The following AGBL4 variants were observed in gnomAD, a reference collection of about 807,000 sequenced individuals.
The protein encoded by AGBL4 is cytosolic carboxypeptidase 6.
Under a neutral mutation model 66.4 loss-of-function variants are expected in AGBL4, and 58 were observed. The observed-to-expected ratio is 0.87, with a 90% CI of 0.71 to 1.09. AGBL4 has a LOEUF of 1.09. Among genes scored for constraint, AGBL4 ranks in the 50% least tolerant of loss-of-function variants. The pLI, the probability that AGBL4 is intolerant of heterozygous loss-of-function variation, is 0.00. For synonymous variants in AGBL4, 234 were observed against 222.9 expected (o/e 1.05, Z -0.44); for missense variants, 579 against 631.0 (o/e 0.92, Z 0.88).
intron 5 of AGBL4, among the ~76,000 whole-genome samples, chr1:48,921,123 C>A (rs375259441): frequency 6.6e-6 from 1 of 151,908 alleles, no homozygotes; most frequent in South Asian, 2.1e-4. Flanking sequence ...CAATTTACAG[C>A]GAGATGACAG....
chr1:49,966,299 G>A (rs1233873135), intron 1 of AGBL4, among the ~76,000 whole-genome samples: 7 of 152,054 alleles, frequency 4.6e-5, no homozygotes, highest in Non-Finnish European at 1.0e-4. Flanking sequence ...TCTAAGCAGA[G>A]AGTTATATTG....
chr1:48,965,773 T>C (rs1017516224), intron 5 of AGBL4, among the ~76,000 whole-genome samples: 1 of 152,180 alleles, frequency 6.6e-6, no homozygotes, highest in Non-Finnish European at 1.5e-5. Flanking sequence ...TTGCCTGCTA[T>C]ACCCACAAAT....
intron 5 of AGBL4, among the ~76,000 whole-genome samples, chr1:48,953,406 C>T (rs1238276367): frequency 6.6e-6 from 1 of 152,166 alleles, no homozygotes; most frequent in Non-Finnish European, 1.5e-5. Flanking sequence ...CTGCCTAGGC[C>T]TTACAACTTG....
chr1:48,689,353 G>A (rs1646587651), intron 6 of AGBL4, among the ~76,000 whole-genome samples: 1 of 152,056 alleles, frequency 6.6e-6, no homozygotes, highest in Non-Finnish European at 1.5e-5. Context: ...ACAGTGAGGA[G>A]GCTGCATTAT....
At chr1:49,828,375 C>T (rs1166896510) in intron 2 of AGBL4, among the ~76,000 whole-genome samples, 2 of 152,032 alleles carry the variant, frequency 1.3e-5, no homozygotes, top group African/African-American at 4.8e-5. Flanking sequence ...TCACAGAAGG[C>T]CTCTCTGAGG....
chr1:49,395,745 A>G (rs536701914), intron 3 of AGBL4, among the ~76,000 whole-genome samples: 130 of 139,752 alleles, frequency 9.3e-4, no homozygotes, highest in Admixed American at 2.1e-3. Flanking sequence ...ATATATATAT[A>G]TGTATATATA....
intron 3 of AGBL4, among the ~76,000 whole-genome samples, chr1:49,491,081 G>C (rs889663556): frequency 1.3e-5 from 2 of 151,720 alleles, no homozygotes; most frequent in Non-Finnish European, 2.9e-5. Context: ...CAAAGTAGAA[G>C]CTCAGTGATA....
intron 2 of AGBL4, among the ~76,000 whole-genome samples, chr1:49,780,016 C>CT (rs1220534473): frequency 3.3e-5 from 5 of 152,106 alleles, no homozygotes; most frequent in Admixed American, 6.6e-5. Flanking sequence ...ATGGAGGGCA[C>CT]TTTTGCCTCT....
intron 3 of AGBL4, among the ~76,000 whole-genome samples, chr1:49,517,490 A>G (rs1053556970): frequency 6.6e-6 from 1 of 151,946 alleles, no homozygotes; most frequent in African/African-American, 2.4e-5. Flanking sequence ...GTGACAGAAG[A>G]ATGAGGGTCA....
intron 1 of AGBL4, among the ~76,000 whole-genome samples, chr1:49,954,997 A>G (rs1656473659): frequency 6.6e-6 from 1 of 151,890 alleles, no homozygotes; most frequent in Non-Finnish European, 1.5e-5. Context: ...TTCTCATCTC[A>G]AAGAGGCCTC....
chr1:49,564,094 C>T (rs780358088), intron 3 of AGBL4, among the ~76,000 whole-genome samples: 1 of 151,848 alleles, frequency 6.6e-6, no homozygotes, highest in African/African-American at 2.4e-5. Flanking sequence ...AGTTTATGTG[C>T]GTAGAGGTGT....
chr1:49,856,244 A>C (rs1202096050), intron 1 of AGBL4, among the ~76,000 whole-genome samples: 1 of 152,132 alleles, frequency 6.6e-6, no homozygotes, highest in Non-Finnish European at 1.5e-5. Context: ...TGAATGAGTA[A>C]TTTTAAAAAC....
At chr1:49,280,198 T>G (rs1161409973) in intron 3 of AGBL4, among the ~76,000 whole-genome samples, 1 of 151,986 alleles carries the variant, frequency 6.6e-6, no homozygotes, top group Non-Finnish European at 1.5e-5. Flanking sequence ...CCCCAACCAG[T>G]TAGCAGTAAG....
At chr1:49,670,629 C>A (rs1361165350) in intron 3 of AGBL4, among the ~76,000 whole-genome samples, 1 of 152,088 alleles carries the variant, frequency 6.6e-6, no homozygotes, top group Admixed American at 6.6e-5. Context: ...TGAGTAATAG[C>A]TACAATTCTG....
At chr1:49,907,251 C>T (rs1369599951) in intron 1 of AGBL4, among the ~76,000 whole-genome samples, 1 of 152,108 alleles carries the variant, frequency 6.6e-6, no homozygotes, top group Non-Finnish European at 1.5e-5. Context: ...GCAATATCTT[C>T]ACTTCTTAAG....
At chr1:49,631,849 T>A (rs1311011177) in intron 3 of AGBL4, among the ~76,000 whole-genome samples, 2 of 152,186 alleles carry the variant, frequency 1.3e-5, no homozygotes, top group Non-Finnish European at 2.9e-5. Flanking sequence ...GTAGCCAAAG[T>A]TGGCCATCAG....
Position 48,976,473 on chromosome 1 carries a change from A to G in AGBL4, c.594+69111T>C, listed in dbSNP as rs144047623. On this transcript the variant is annotated intron_variant, in intron 5 of 13. Transcript: ENST00000371839. ...AGGGGCAGTGATTTGTCCTCGCTGG[A>G]AAGTGCATTTATTATGGACTTGAAT... 1.5e-3 allele frequency among the ~76,000 whole-genome samples: 233 copies of G among 152,266 alleles called. 4 individuals are homozygous for G. The highest frequency in any genetic ancestry group is 5.4e-3 in the African/African-American group (226 of 41,560).
chr1:49,275,349 C>G (rs1172983424), intron 3 of AGBL4, among the ~76,000 whole-genome samples: 1 of 152,078 alleles, frequency 6.6e-6, no homozygotes, highest in East Asian at 1.9e-4. Context: ...AGAAGTTCAC[C>G]AGTTTGTACA....
chr1:49,787,560 G>C (rs1014832394), intron 2 of AGBL4, among the ~76,000 whole-genome samples: 1 of 151,816 alleles, frequency 6.6e-6, no homozygotes, highest in Admixed American at 6.6e-5. Flanking sequence ...GAAAGACAGA[G>C]TTTGTAGGTT....
Sources: allele counts gnomAD v4.1 joint callset (sites outside exome capture counted in the v4.1 genomes callset), GRCh38; gene constraint gnomAD v4.1.1; transcripts MANE v1.5; gene names NCBI Gene and HGNC (gene_info 2026-07-23, HGNC 2026-07-21).